Variants in ZNF343 observed in about 807,000 individuals in gnomAD.
ZNF343 encodes the protein zinc finger protein 343.
In ZNF343, 11 loss-of-function variants were observed where a neutral mutation model predicts 13.8. That is an observed-to-expected ratio of 0.80 (90% CI 0.50 to 1.32). ZNF343 has a LOEUF of 1.32. Among genes scored for constraint, ZNF343 ranks in the 40% most tolerant of loss-of-function variants. ZNF343 has a pLI of 0.00. For missense variants in ZNF343, 658 were observed against 714.2 expected, an observed-to-expected ratio of 0.92 and a Z score of 0.90; for synonymous variants, 248 against 260.0, an observed-to-expected ratio of 0.95 and a Z score of 0.44.
intron 1 of ZNF343, among the ~76,000 whole-genome samples, chr20:2,504,898 G>A (rs2085629604): frequency 6.6e-6 from 1 of 152,168 alleles, no homozygotes; most frequent in Non-Finnish European, 1.5e-5. Flanking sequence ...GCACAAGACA[G>A]GGATGCCCTC....
chr20:2,483,437 G>A lies in ZNF343; in HGVS notation c.1524C>T (p.Leu508=). 1.2e-6 allele frequency: 2 copies of A among 1,609,418 alleles called. No homozygotes were observed. Among genetic ancestry groups the A allele is most frequent in the Non-Finnish European group, 1.7e-6 (2 of 1,178,804 alleles). The change falls in exon 6 of 6, where the codon CTC becomes CTT. Residue 508 remains leucine, a synonymous_variant. Transcript: ENST00000278772. ...CRRGFSQKSN[L]IRHQRTHSNE... is the part of the protein sequence containing the mutation. The stretch of plus-strand genomic sequence containing the variant: ...TTGAGTGCGTCCTCTGGTGTCTGAT[G>A]AGATTTGACTTCTGGCTAAAACCTC...
chr20:2,517,366 G>GTA (rs5839957), intron 1 of ZNF343, among the ~76,000 whole-genome samples: 38 of 151,280 alleles, frequency 2.5e-4, no homozygotes, highest in African/African-American at 6.8e-4. Flanking sequence ...GTATATGTGT[G>GTA]TATATATATA....
chr20:2,511,474 C>G (rs925264003), upstream of ZNF343, among the ~76,000 whole-genome samples: 1 of 152,102 alleles, frequency 6.6e-6, no homozygotes, highest in Non-Finnish European at 1.5e-5. Context: ...ACAATTGGGA[C>G]AGTTTCAAAT....
At chr20:2,494,240 G>A (rs774488293) in intron 2 of ZNF343, among the ~76,000 whole-genome samples, 196 bp from the exon 3 acceptor site, 3 of 151,882 alleles carry the variant, frequency 2.0e-5, no homozygotes, top group Non-Finnish European at 4.4e-5. Context: ...CTTGTGTTCT[G>A]CCACTCTCCC....
chr20:2,524,520 G>C (rs548873818), exon 1 of ZNF343: 3 of 152,686 alleles, frequency 2.0e-5, no homozygotes, highest in African/African-American at 4.8e-5. Flanking sequence ...GCCCCGAATC[G>C]CAGGTTTTGC....
intron 2 of ZNF343, among the ~76,000 whole-genome samples, chr20:2,495,080 A>G (rs544511275): frequency 6.6e-6 from 1 of 152,314 alleles, no homozygotes; most frequent in African/African-American, 2.4e-5. Context: ...CTACAGGCCT[A>G]TTGTTGCCTA....
At chr20:2,524,908 G>A (rs1364378546), upstream of ZNF343, among the ~76,000 whole-genome samples, 1 of 152,158 alleles carries the variant, frequency 6.6e-6, no homozygotes, top group Non-Finnish European at 1.5e-5. Context: ...CCGATCTTCC[G>A]CGGGGCCCAG....
chr20:2,483,057 T>G lies in ZNF343; in HGVS notation c.*104A>C, dbSNP rs988553565. 4 of 1,346,578 alleles carry G rather than the reference T, an allele frequency of 3.0e-6. No individual in the cohort carries two copies. The highest frequency in any genetic ancestry group is 4.0e-6 in the Non-Finnish European group (4 of 991,144). 83.4% of individuals were successfully genotyped at this position (1,346,578 alleles called of 1,614,324 possible). A position where few individuals can be genotyped will look rare whatever the true frequency, so the allele number is the denominator to read the frequency against. ...CATCTCTGGAACTTCACTCACAATCTGTGTACACAGGGTCTACTCCCCATG... is the reference window on the plus strand; with the variant it reads ...CATCTCTGGAACTTCACTCACAATCGGTGTACACAGGGTCTACTCCCCATG... On this transcript the variant is annotated 3_prime_UTR_variant, in exon 6 of 6. Coordinates refer to ENST00000278772, the MANE Select transcript of ZNF343 (RefSeq NM_024325.6).
chr20:2,484,198 T>C lies in ZNF343; in HGVS notation c.763A>G (p.Asn255Asp), dbSNP rs746271945. Residue 255 changes from asparagine (N) to aspartate (D), a missense_variant, in exon 6 of 6, where the codon AAC (asparagine) becomes GAC (aspartate). Coordinates refer to ENST00000278772, the MANE Select transcript of ZNF343 (RefSeq NM_024325.6). ...AGGGTCCTCGGGTTTGTAATAAAGTTTGATTCCAGGTTATGGTCCGGTTCA... is the reference window on the plus strand; with the variant it reads ...AGGGTCCTCGGGTTTGTAATAAAGTCTGATTCCAGGTTATGGTCCGGTTCA... ...EYEPDHNLES[N>D]FITNPRTLLG... 6.2e-7 allele frequency: 1 copy of C among 1,614,232 alleles called. No individual in the cohort carries two copies. Among genetic ancestry groups the C allele is most frequent in the Non-Finnish European group, 8.5e-7 (1 of 1,180,046 alleles).
intron 5 of ZNF343, among the ~76,000 whole-genome samples, chr20:2,491,392 T>C (rs149482168): frequency 1.3e-5 from 2 of 152,328 alleles, no homozygotes; most frequent in Non-Finnish European, 2.9e-5. Flanking sequence ...CCTGTAGTTA[T>C]ACTTGTAAAA....
chr20:2,496,529 T>C (rs1370135856), intron 2 of ZNF343, among the ~76,000 whole-genome samples: 1 of 152,148 alleles, frequency 6.6e-6, no homozygotes, highest in Non-Finnish European at 1.5e-5. Context: ...AGCTTGGATT[T>C]ACATTTTAAA....
At chr20:2,517,091 C>T (rs2085762439) in intron 1 of ZNF343, among the ~76,000 whole-genome samples, 1 of 152,132 alleles carries the variant, frequency 6.6e-6, no homozygotes, top group African/African-American at 2.4e-5. Flanking sequence ...AACAGCAAAC[C>T]ATGCTTCCAA....
chr20:2,489,419 T>C (rs1371757877), intron 5 of ZNF343, among the ~76,000 whole-genome samples: 2 of 152,184 alleles, frequency 1.3e-5, no homozygotes, highest in Non-Finnish European at 2.9e-5. Context: ...ACTGAGCCCA[T>C]CTCTGAAGAA....
intron 2 of ZNF343, among the ~76,000 whole-genome samples, chr20:2,496,432 C>T (rs987233253): frequency 9.9e-5 from 15 of 152,090 alleles, no homozygotes; most frequent in African/African-American, 3.4e-4. Flanking sequence ...GGTACCAGGG[C>T]ACAGGTCATG....
Position 2,483,729 on chromosome 20 carries a change from C to G in ZNF343, c.1232G>C (p.Cys411Ser), listed in dbSNP as rs1357586879. The G allele has an allele frequency of 2.5e-6, 4 of 1,613,974 alleles. No homozygotes were observed. The highest frequency in any genetic ancestry group is 1.7e-6 in the Non-Finnish European group (2 of 1,179,984). ...RIHSGEKPYV[C>S]RECGRGFSQN... is the part of the protein sequence containing the mutation. ...GCTAAAGCCTCGCCCACACTCCCTG[C>G]AAACATAAGGCTTCTCCCCTGAGTG... Residue 411 changes from cysteine (C) to serine (S), a missense_variant, in exon 6 of 6, where the codon TGC becomes TCC. By Grantham distance (112) the Cys-to-Ser change is moderately radical (BLOSUM62 -1). Transcript: ENST00000278772.
rs146203085 is a variant in ZNF343, at chr20:2,487,728, G to A, written c.305-3072C>T. Among the ~76,000 whole-genome samples the A allele has an allele frequency of 3.9e-5, 6 of 152,292 alleles. No individual in the cohort carries two copies. In the South Asian group the frequency reaches 6.2e-4, roughly 16 times the overall value. On this transcript the variant is annotated intron_variant, in intron 5 of 5. Coordinates refer to ENST00000278772, the MANE Select transcript of ZNF343 (RefSeq NM_024325.6). ...TCAAAGCATATGCATATATAGTTTCGTTACATGTTGCCAAATTTCCCTCCA... is the reference window on the plus strand; with the variant it reads ...TCAAAGCATATGCATATATAGTTTCATTACATGTTGCCAAATTTCCCTCCA...
At chr20:2,490,229 G>T (rs928799541) in intron 5 of ZNF343, among the ~76,000 whole-genome samples, 1 of 152,024 alleles carries the variant, frequency 6.6e-6, no homozygotes, top group Non-Finnish European at 1.5e-5. Context: ...ATGTGTGATG[G>T]GGAAACTCAT....
Position 2,504,984 on chromosome 20 carries a change from A to G in ZNF343, c.-237+3897T>C, listed in dbSNP as rs528717217. 1.6e-3 allele frequency among the ~76,000 whole-genome samples: 243 copies of G among 152,310 alleles called. 2 individuals carry two copies. The highest frequency in any genetic ancestry group is 2.4e-3 in the Non-Finnish European group (163 of 68,032). ...CAGGCAGGAGAAGGAAATAAAGGGT[A>G]TTCAGTTAGGAAAAGAGGAAGTCAA... is the stretch of plus-strand genomic sequence containing the variant. On this transcript the variant is annotated intron_variant, in intron 1 of 5. Coordinates refer to ENST00000278772, the MANE Select transcript of ZNF343 (RefSeq NM_024325.6).
chr20:2,513,907 A>G (rs1278726255), upstream of ZNF343, among the ~76,000 whole-genome samples: 1 of 152,232 alleles, frequency 6.6e-6, no homozygotes, highest in Non-Finnish European at 1.5e-5. Flanking sequence ...ACTTAAATGA[A>G]TTTATATGTC....
Sources: allele counts gnomAD v4.1 joint callset (sites outside exome capture counted in the v4.1 genomes callset), GRCh38; gene constraint gnomAD v4.1.1; transcripts MANE v1.5; gene names NCBI Gene and HGNC (gene_info 2026-07-23, HGNC 2026-07-21).